LECT2: variants seen among roughly 807,000 people sequenced by gnomAD.
The protein encoded by LECT2 is leukocyte cell derived chemotaxin 2.
LECT2 carries 11 observed loss-of-function variants against 16.6 expected under a neutral mutation model. The observed-to-expected ratio is 0.66, with a 90% confidence interval of 0.42 to 1.09. The LOEUF (loss-of-function observed/expected upper bound fraction) is 1.09, where lower values mean the gene tolerates loss of function less well. Among genes scored for constraint, LECT2 ranks in the 50% least tolerant of loss-of-function variants. LECT2 has a pLI of 0.00. For synonymous variants in LECT2, 54 were observed against 64.8 expected, an observed-to-expected ratio of 0.83 and a Z score of 0.80; for missense variants, 173 against 184.2, an observed-to-expected ratio of 0.94 and a Z score of 0.35.
intron 2 of LECT2, 90 bp from the exon 3 acceptor site, chr5:135,951,458 A>T: frequency 8.1e-7 from 1 of 1,241,860 alleles, no homozygotes. Flanking sequence ...CTGTTTGCAG[A>T]CGAGGTACCA....
intron 3 of LECT2, among the ~76,000 whole-genome samples, chr5:135,948,545 ATC>A (rs1198276239): frequency 2.6e-5 from 4 of 152,114 alleles, no homozygotes; most frequent in Non-Finnish European, 5.9e-5. Flanking sequence ...AATGTAAAAT[ATC>A]TCAATAATTT....
chr5:135,948,881 T>A (rs952103643), intron 3 of LECT2, among the ~76,000 whole-genome samples: 1 of 152,106 alleles, frequency 6.6e-6, no homozygotes, highest in Non-Finnish European at 1.5e-5. Context: ...TTCACCGTGT[T>A]AGCCAGGATG....
At chr5:135,952,736 G>T in intron 2 of LECT2, 135 bp downstream of exon 2, 1 of 624,272 alleles carries the variant, frequency 1.6e-6, no homozygotes, top group Non-Finnish European at 2.9e-6. Context: ...CAAAGACAGT[G>T]ATGTAACTGG....
At chr5:135,950,120 C>A (rs1763769683) in intron 3 of LECT2, among the ~76,000 whole-genome samples, 1 of 152,106 alleles carries the variant, frequency 6.6e-6, no homozygotes, top group African/African-American at 2.4e-5. Context: ...TGGACTCACT[C>A]CCAATAGGAA....
At chr5:135,948,268 A>T (rs143796898) in intron 3 of LECT2, among the ~76,000 whole-genome samples, 119 of 152,348 alleles carry the variant, frequency 7.8e-4, no homozygotes, top group African/African-American at 2.7e-3. Flanking sequence ...CATGCACTAA[A>T]TAGCACAAGT....
chr5:135,954,904 G>A lies in LECT2; in HGVS notation c.-71C>T. The stretch of plus-strand genomic sequence containing the variant: ...CACACTCTCTTTGAAGAATATTCAA[G>A]TTTGAATGAATACTTCCTAGCTATT... On this transcript the variant is annotated 5_prime_UTR_variant, in exon 1 of 4. Coordinates refer to ENST00000274507, the MANE Select transcript of LECT2 (RefSeq NM_002302.3). 9.1e-7 allele frequency: 1 copy of A among 1,099,324 alleles called. No homozygotes were observed. The highest frequency in any genetic ancestry group is 1.4e-6 in the Non-Finnish European group (1 of 715,934). The allele number at this position is 1,099,324 out of a possible 1,614,324, so 68.1% of individuals were successfully genotyped here.
At chr5:135,953,070 T>G (rs922612346) in intron 1 of LECT2, 103 bp from the exon 2 acceptor site, 1 of 732,510 alleles carries the variant, frequency 1.4e-6, no homozygotes, top group African/African-American at 1.7e-5. Flanking sequence ...CTGTTTTCAC[T>G]GTAGTTTTCC....
chr5:135,953,155 T>G lies in LECT2; in HGVS notation c.47-188A>C, dbSNP rs751225844. ...CTGATTCAGATGTAAAATTGGCTTT[T>G]TCCCTGGCCACAGAATTCTGCTTTG... On this transcript the variant is annotated intron_variant, in intron 1 of 3. Coordinates refer to ENST00000274507, the MANE Select transcript of LECT2 (RefSeq NM_002302.3). The G allele has an allele frequency of 1.4e-5, 8 of 557,762 alleles. No individual in the cohort carries two copies. In the South Asian group the frequency reaches 1.8e-4, roughly 13 times the overall value. The allele number at this position is 557,762 out of a possible 1,614,324, so 34.6% of individuals were successfully genotyped here.
At chr5:135,953,963 T>C (rs1469242143) in intron 1 of LECT2, among the ~76,000 whole-genome samples, 1 of 152,238 alleles carries the variant, frequency 6.6e-6, no homozygotes, top group Non-Finnish European at 1.5e-5. Flanking sequence ...AAACTTTGTT[T>C]CAGGCACAAT....
At chr5:135,953,923 GA>G (rs199761503) in intron 1 of LECT2, among the ~76,000 whole-genome samples, 4,692 of 152,310 alleles carry the variant, frequency 0.031, 251 homozygotes, top group African/African-American at 0.11. Context: ...AAACGTGGAG[GA>G]GGGGCTGCTT....
intron 3 of LECT2, among the ~76,000 whole-genome samples, chr5:135,947,969 G>T (rs1472438629): frequency 6.6e-6 from 1 of 152,196 alleles, no homozygotes; most frequent in Non-Finnish European, 1.5e-5. Flanking sequence ...CTATAAATGT[G>T]AATGGCCTTA....
intron 2 of LECT2, 85 bp downstream of exon 2, chr5:135,952,786 C>G (rs1763813161): frequency 1.1e-6 from 1 of 897,896 alleles, no homozygotes; most frequent in Non-Finnish European, 1.8e-6. Context: ...ACTGTGAGCC[C>G]TTGAGGCAAC....
intron 2 of LECT2, 159 bp from the exon 3 acceptor site, chr5:135,951,527 C>T: frequency 3.5e-6 from 2 of 569,716 alleles, no homozygotes; most frequent in East Asian, 5.6e-5. Context: ...CTGTTTAGCC[C>T]AATTTTAACC....
At chr5:135,949,015 A>G (rs955019117) in intron 3 of LECT2, among the ~76,000 whole-genome samples, 2 of 152,178 alleles carry the variant, frequency 1.3e-5, no homozygotes, top group African/African-American at 2.4e-5. Context: ...TTATATTTCT[A>G]TTGGATAGTT....
In LECT2 at chr5:135,947,282, G is replaced by A. The variant is rs1763717486; in HGVS notation, c.*49C>T. The A allele has an allele frequency of 6.3e-7, 1 of 1,575,642 alleles. No individual in the cohort carries two copies. ...CTTGAAGAGAAGGGTATGCATCCAG[G>A]TTTTTAAGATGACTTTTTATTTTGA... On this transcript the variant is annotated 3_prime_UTR_variant, in exon 4 of 4. Transcript: ENST00000274507.
chr5:135,953,675 A>G (rs1381045365), intron 1 of LECT2, among the ~76,000 whole-genome samples: 1 of 152,234 alleles, frequency 6.6e-6, no homozygotes, highest in Non-Finnish European at 1.5e-5. Context: ...TAATTTTAGA[A>G]ATTGTAATTT....
rs539387047 is a variant in LECT2, at chr5:135,951,691, C to T, written c.144-323G>A. 23 of 246,158 alleles carry T rather than the reference C, an allele frequency of 9.3e-5. 1 individual carries two copies. In the South Asian group the frequency reaches 3.8e-3, roughly 41 times the overall value. The allele number at this position is 246,158 out of a possible 1,614,324, so 15.2% of individuals were successfully genotyped here. A position where few individuals can be genotyped will look rare whatever the true frequency, so the allele number is the denominator to read the frequency against. ...TCCATGTAAGTGCATTTTCTAGATACCTAGATCTTGACATCTTCAAGCCCA... is the reference window on the plus strand; with the variant it reads ...TCCATGTAAGTGCATTTTCTAGATATCTAGATCTTGACATCTTCAAGCCCA... On this transcript the variant is annotated intron_variant, in intron 2 of 3. Coordinates refer to ENST00000274507, the MANE Select transcript of LECT2 (RefSeq NM_002302.3).
At chr5:135,950,862 G>A (rs761715864) in intron 3 of LECT2, 44 of 320,318 alleles carry the variant, frequency 1.4e-4, no homozygotes, top group Non-Finnish European at 1.2e-4. Context: ...GTGTGTGCAT[G>A]AAGCAGAAGT....
In LECT2 at chr5:135,947,437, C is replaced by A. The variant is rs773806450; in HGVS notation, c.350G>T (p.Gly117Val). 3.7e-6 allele frequency: 6 copies of A among 1,614,030 alleles called. 1 individual carries two copies. In the Admixed American group the frequency reaches 8.3e-5, roughly 22 times the overall value. Residue 117 changes from glycine (G) to valine (V), a missense_variant, in exon 4 of 4, where the codon GGA becomes GTA. Transcript: ENST00000274507. The part of the protein sequence containing the change: ...PIKYKGPIKK[G>V]EKLGTLLPLQ... ...GGGCAATAGAGTTCCAAGTTTTTCT[C>A]CCTTCTTAATAGGACCTTTATACTT...
Sources: allele counts gnomAD v4.1 joint callset (sites outside exome capture counted in the v4.1 genomes callset), GRCh38; gene constraint gnomAD v4.1.1; transcripts MANE v1.5; gene names NCBI Gene and HGNC (gene_info 2026-07-23, HGNC 2026-07-21).